The following PIBF1 variants were observed in gnomAD, a reference collection of about 807,000 sequenced individuals.
PIBF1 encodes progesterone immunomodulatory binding factor 1, also known as progesterone-induced-blocking factor 1.
Under a neutral mutation model 112.5 loss-of-function variants are expected in PIBF1, and 90 were observed. That is an observed-to-expected ratio of 0.80 (90% confidence interval 0.67 to 0.95). The LOEUF is 0.95. PIBF1 is among the 40% of genes least tolerant of loss of function. PIBF1 has a pLI of 0.00. For synonymous variants in PIBF1, 301 were observed against 288.6 expected (o/e 1.04, Z -0.44); for missense variants, 915 against 852.3 (o/e 1.07, Z -0.92).
rs201168627 is a variant in PIBF1 at position 73,012,626 on chromosome 13, A to C, written c.2224-3243A>C. ...AACACTTAGCCAGGCACTGTGGTGC[A>C]CACCTGTGGTCCCAGCAACTCGAAG... On this transcript the variant is annotated intron_variant, in intron 17 of 17. Coordinates refer to ENST00000326291, the MANE Select transcript of PIBF1 (RefSeq NM_006346.4). Among the ~76,000 whole-genome samples, 13 of 151,870 alleles carry C rather than the reference A, an allele frequency of 8.6e-5. No individual in the cohort carries two copies. In the East Asian group the frequency reaches 2.3e-3, roughly 27 times the overall value.
At chr13:72,843,311 C>T (rs979877153) in intron 9 of PIBF1, among the ~76,000 whole-genome samples, 1 of 152,192 alleles carries the variant, frequency 6.6e-6, no homozygotes, top group Non-Finnish European at 1.5e-5. Context: ...GGAGAATTGG[C>T]AAGATCTGGT....
intron 14 of PIBF1, among the ~76,000 whole-genome samples, chr13:72,960,255 A>G (rs2042569516): frequency 6.6e-6 from 1 of 152,196 alleles, no homozygotes; most frequent in African/African-American, 2.4e-5. Context: ...TTATAATACT[A>G]AAACCTTTAG....
rs186224552 is a variant in PIBF1 at position 72,966,815 on chromosome 13, A to G, written c.1964+1411A>G. Among the ~76,000 whole-genome samples the G allele has an allele frequency of 7.2e-4, 109 of 152,294 alleles. 1 individual carries two copies. In the East Asian group the frequency reaches 0.02, roughly 28 times the overall value. On this transcript the variant is annotated intron_variant, in intron 15 of 17. Transcript: ENST00000326291. ...TCCCAGCCACTCTGGAGGCTGAGAC[A>G]GGAGAATCGCTTGAACCGGGGAGAC...
At chr13:72,866,755 G>T (rs2038944400) in intron 10 of PIBF1, among the ~76,000 whole-genome samples, 1 of 152,194 alleles carries the variant, frequency 6.6e-6, no homozygotes, top group South Asian at 2.1e-4. Context: ...CTGTGTTTGA[G>T]ATCCTTTAGA....
chr13:72,871,305 CTCTT>C (rs2039154709), intron 10 of PIBF1, among the ~76,000 whole-genome samples: 1 of 151,942 alleles, frequency 6.6e-6, no homozygotes, highest in Admixed American at 6.6e-5. Flanking sequence ...CTCTCTGTCT[CTCTT>C]TCTCTCTCTC....
At chr13:72,967,269 A>G (rs2042767814) in intron 15 of PIBF1, among the ~76,000 whole-genome samples, 2 of 152,148 alleles carry the variant, frequency 1.3e-5, no homozygotes. Context: ...TTATTTTACC[A>G]TTATTTCTTG....
In PIBF1 at chr13:72,835,370, T is replaced by TA. The variant is rs200683940; in HGVS notation, c.1223+15dup. On this transcript the variant is annotated splice_region_variant and intron_variant, in intron 9 of 17. Transcript: ENST00000326291. Reference sequence around the variant, plus strand: ...GGAAATGTATGAACGAGAAAACAGGTAAAAAAAAAAAAATGCTTGTATGGT... The same window carrying TA: ...GGAAATGTATGAACGAGAAAACAGGTAAAAAAAAAAAAAATGCTTGTATGGT... 0.23 allele frequency: 297,917 copies of TA among 1,299,750 alleles called. 5,409 individuals are homozygous for TA. The highest frequency in any genetic ancestry group is 0.28 in the Middle Eastern group (1,402 of 4,956). 80.5% of individuals were successfully genotyped at this position (1,299,750 alleles called of 1,614,324 possible). A position where few individuals can be genotyped will look rare whatever the true frequency, so the allele number is the denominator to read the frequency against.
rs1033948845 is a variant in PIBF1 at position 73,012,362 on chromosome 13, A to G, written c.2224-3507A>G. 3.9e-5 allele frequency among the ~76,000 whole-genome samples: 6 copies of G among 152,168 alleles called. No homozygotes were observed. The East Asian group carries it at 1.2e-3, about 29-fold the overall frequency. Reference sequence around the variant, plus strand: ...GTGAGACTCTGTCTCAGAAAAAAAAATAAATGACAAATGCATTTGATAACC... The same window carrying G: ...GTGAGACTCTGTCTCAGAAAAAAAAGTAAATGACAAATGCATTTGATAACC... On this transcript the variant is annotated intron_variant, in intron 17 of 17. Transcript: ENST00000326291.
At chr13:72,927,907 G>T (rs1280167932) in intron 13 of PIBF1, among the ~76,000 whole-genome samples, 1 of 144,704 alleles carries the variant, frequency 6.9e-6, no homozygotes, top group Non-Finnish European at 1.5e-5. Context: ...GTCTTTTAGG[G>T]CAACTGAGAA....
chr13:72,804,409 T>C (rs1316282376), intron 5 of PIBF1, among the ~76,000 whole-genome samples: 1 of 152,214 alleles, frequency 6.6e-6, no homozygotes, highest in East Asian at 1.9e-4. Flanking sequence ...TGCATAAGTA[T>C]GATTGGAAGA....
intron 13 of PIBF1, among the ~76,000 whole-genome samples, chr13:72,923,192 A>G (rs55953289): frequency 0.12 from 18,149 of 152,250 alleles, 1,447 homozygotes; most frequent in Non-Finnish European, 0.17. Flanking sequence ...CAGAGCGTCA[A>G]TCCTCCATTG....
chr13:72,811,761 C>G (rs988856699), intron 5 of PIBF1, among the ~76,000 whole-genome samples: 1 of 152,062 alleles, frequency 6.6e-6, no homozygotes, highest in African/African-American at 2.4e-5. Flanking sequence ...GCCTATACCT[C>G]TAAAACCTCT....
Position 72,798,019 on chromosome 13 carries a change from T to C in PIBF1, c.665T>C (p.Leu222Pro), listed in dbSNP as rs746116403. 6 of 1,600,664 alleles carry C rather than the reference T, an allele frequency of 3.7e-6. No homozygotes were observed. Among genetic ancestry groups the C allele is most frequent in the African/African-American group, 1.3e-5 (1 of 74,084 alleles). Residue 222 changes from leucine to proline, a missense_variant, in exon 5 of 18, where the codon CTG becomes CCG. By Grantham distance (98) the Leu-to-Pro change is moderately conservative (BLOSUM62 -3). Coordinates refer to ENST00000326291, the MANE Select transcript of PIBF1 (RefSeq NM_006346.4). ...LSTNKNQLKQ[L>P]TETYEEDRKN... ...ACAAACAAAAACCAACTGAAGCAGC[T>C]GACAGAGGTTTGTATGGTTTTGATT...
intron 14 of PIBF1, among the ~76,000 whole-genome samples, chr13:72,944,131 T>C (rs1465192491): frequency 6.6e-6 from 1 of 152,104 alleles, no homozygotes; most frequent in Non-Finnish European, 1.5e-5. Context: ...TTGGAGTAAA[T>C]AATGATTTTG....
intron 17 of PIBF1, among the ~76,000 whole-genome samples, chr13:73,009,707 G>T (rs1237269529): frequency 6.6e-6 from 1 of 152,188 alleles, no homozygotes; most frequent in Non-Finnish European, 1.5e-5. Flanking sequence ...AACAGACTTT[G>T]AAATTAAAAT....
intron 13 of PIBF1, among the ~76,000 whole-genome samples, chr13:72,924,773 A>T (rs2041424143): frequency 6.6e-6 from 1 of 152,208 alleles, no homozygotes; most frequent in African/African-American, 2.4e-5. Flanking sequence ...ACAGTTAGAT[A>T]CCACAGGGGA....
chr13:72,860,361 A>G (rs187799158), intron 10 of PIBF1, among the ~76,000 whole-genome samples: 1 of 151,610 alleles, frequency 6.6e-6, no homozygotes, highest in Non-Finnish European at 1.5e-5. Context: ...GTGACAGTAG[A>G]GAGACAGAGA....
At chr13:72,867,147 C>A (rs540808369) in intron 10 of PIBF1, among the ~76,000 whole-genome samples, 5 of 152,116 alleles carry the variant, frequency 3.3e-5, no homozygotes, top group Non-Finnish European at 7.4e-5. Flanking sequence ...GCAGATCTTT[C>A]CCATGCTGTT....
At chr13:72,958,601 A>ATGG (rs1282747017) in intron 14 of PIBF1, among the ~76,000 whole-genome samples, 1 of 152,178 alleles carries the variant, frequency 6.6e-6, no homozygotes, top group Non-Finnish European at 1.5e-5. Context: ...TGTCCGTTCC[A>ATGG]CCACAGTCTC....
Sources: gnomAD v4.1 joint callset for allele counts (sites outside exome capture counted in the v4.1 genomes callset) on GRCh38, gnomAD v4.1.1 for gene constraint, MANE v1.5 for transcripts, NCBI Gene and HGNC (gene_info 2026-07-23, HGNC 2026-07-21) for gene names.